Variants in ABI2 observed in about 807,000 individuals in gnomAD.
The protein encoded by ABI2 is abl interactor 2, also known as abelson interactor 2.
In ABI2, 25 loss-of-function variants were observed where a neutral mutation model predicts 59.2. The observed-to-expected ratio is 0.42, with a 90% CI of 0.31 to 0.59. ABI2 has a LOEUF of 0.59. Ranked by LOEUF, ABI2 falls within the 20% of genes least tolerant of loss-of-function variation. The probability of loss-of-function intolerance (pLI) is 0.14; values close to 1 mark genes in which losing one functional copy is unlikely to be tolerated. For missense variants in ABI2, 545 were observed against 681.8 expected (o/e 0.80, Z 2.23); for synonymous variants, 213 against 235.5 (o/e 0.90, Z 0.87).
chr2:203,328,594 A>G lies in ABI2; in HGVS notation c.80A>G (p.Glu27Gly). The G allele has an allele frequency of 1.9e-6, 3 of 1,603,980 alleles. No individual in the cohort carries two copies. Among genetic ancestry groups the G allele is most frequent in the Non-Finnish European group, 2.6e-6 (3 of 1,175,510 alleles). The change falls in exon 1 of 12, where the codon GAA becomes GGA. Residue 27 changes from glutamate to glycine, a missense_variant. Transcript: ENST00000261018. ...CTCTTCGACAGCTACACAAATCTGGAACGGGTGGCCGATTACTGCGAGAAC... is the reference window on the plus strand; with the variant it reads ...CTCTTCGACAGCTACACAAATCTGGGACGGGTGGCCGATTACTGCGAGAAC... The part of the protein sequence containing the change: ...RALFDSYTNL[E>G]RVADYCENNY...
At chr2:203,329,803 C>T (rs978951449) in intron 1 of ABI2, among the ~76,000 whole-genome samples, 1 of 151,734 alleles carries the variant, frequency 6.6e-6, no homozygotes, top group Non-Finnish European at 1.5e-5. Flanking sequence ...GTGGCGCGAT[C>T]TCGGCTCACT....
chr2:203,411,783 T>C (rs532254933), intron 10 of ABI2, among the ~76,000 whole-genome samples: 10 of 152,270 alleles, frequency 6.6e-5, no homozygotes, highest in Non-Finnish European at 1.2e-4. Flanking sequence ...ATGGTAGGGC[T>C]CAGAGGACCA....
chr2:203,353,592 G>T (rs2090210546), intron 1 of ABI2, among the ~76,000 whole-genome samples: 1 of 151,652 alleles, frequency 6.6e-6, no homozygotes, highest in Non-Finnish European at 1.5e-5. Context: ...TGATTCTCCT[G>T]CCTCAGCCTC....
chr2:203,384,381 AC>A (rs1330661667), intron 4 of ABI2, among the ~76,000 whole-genome samples: 1 of 144,330 alleles, frequency 6.9e-6, no homozygotes, highest in Non-Finnish European at 1.5e-5. Context: ...ATCATGACTC[AC>A]TGCAGCTTTG....
chr2:203,423,717 A>G (rs377011813), intron 11 of ABI2, among the ~76,000 whole-genome samples: 103 of 152,294 alleles, frequency 6.8e-4, no homozygotes, highest in Admixed American at 1.8e-3. Context: ...CACCGCGCCC[A>G]GCCCAATCTG....
intron 2 of ABI2, among the ~76,000 whole-genome samples, chr2:203,370,200 C>G (rs570917774): frequency 6.8e-6 from 1 of 147,626 alleles, no homozygotes; most frequent in Admixed American, 6.7e-5. Flanking sequence ...CTCTCTCTCT[C>G]TCTCTCTCTC....
chr2:203,362,007 G>A (rs1387779226), intron 1 of ABI2, among the ~76,000 whole-genome samples: 1 of 152,208 alleles, frequency 6.6e-6, no homozygotes, highest in Non-Finnish European at 1.5e-5. Flanking sequence ...TTTCTAATGA[G>A]TTCTGCTGTT....
rs116422644 is a variant in ABI2 at position 203,365,089 on chromosome 2, A to G, written c.118-1788A>G. Among the ~76,000 whole-genome samples the G allele has an allele frequency of 4.8e-3, 738 of 152,318 alleles. 11 individuals carry two copies. Among genetic ancestry groups the G allele is most frequent in the African/African-American group, 0.017 (709 of 41,562 alleles). On this transcript the variant is annotated intron_variant, in intron 1 of 11. Transcript: ENST00000261018. ...AAGTAATACATGCCCAAGTTAAAAAAAAATTAAGCCATACTGAAAACATTT... is the reference window on the plus strand; with the variant it reads ...AAGTAATACATGCCCAAGTTAAAAAGAAATTAAGCCATACTGAAAACATTT...
chr2:203,372,904 G>A (rs1229227780), intron 2 of ABI2, among the ~76,000 whole-genome samples: 2 of 152,022 alleles, frequency 1.3e-5, no homozygotes, highest in Admixed American at 6.5e-5. Flanking sequence ...CTCAGGCGAT[G>A]GGCGGCTGGG....
rs1559153626 is a variant in ABI2 at position 203,338,932 on chromosome 2, A to ATG, written c.117+10303_117+10304dup. Among the ~76,000 whole-genome samples, 28 of 17,736 alleles carry ATG rather than the reference A, an allele frequency of 1.6e-3. 2 individuals carry two copies. The highest frequency in any genetic ancestry group is 0.036 in the Middle Eastern group (1 of 28). The allele number at this position is 17,736 out of a possible 152,430, so 11.6% of individuals were successfully genotyped here. A position where few individuals can be genotyped will look rare whatever the true frequency, so the allele number is the denominator to read the frequency against. The stretch of plus-strand genomic sequence containing the variant: ...TCTGTGTGTGTGTGTGTGTGTGTAT[A>ATG]TGTATATATATATATATATATATAT... On this transcript the variant is annotated intron_variant, in intron 1 of 11. Coordinates refer to ENST00000261018, the MANE Select transcript of ABI2 (RefSeq NM_001375670.1).
chr2:203,395,837 G>T, intron 7 of ABI2, 57 bp downstream of exon 7: 2 of 1,488,664 alleles, frequency 1.3e-6, no homozygotes, highest in Non-Finnish European at 1.8e-6. Context: ...GATTCAATTT[G>T]TGATTTAATT....
intron 1 of ABI2, among the ~76,000 whole-genome samples, chr2:203,358,071 TTGTGTGTGTG>T (rs71007506): frequency 6.1e-4 from 78 of 128,846 alleles, no homozygotes; most frequent in Admixed American, 1.7e-3. Flanking sequence ...CCTGGCCTGT[TTGTGTGTGTG>T]TGTGTGTGTG....
chr2:203,377,060 A>G (rs538126551), intron 2 of ABI2, among the ~76,000 whole-genome samples: 2 of 152,318 alleles, frequency 1.3e-5, no homozygotes, highest in African/African-American at 2.4e-5. Flanking sequence ...GCTCATGCCT[A>G]TAATCCCAGC....
intron 1 of ABI2, among the ~76,000 whole-genome samples, chr2:203,351,992 T>G (rs748841536): frequency 6.6e-6 from 1 of 152,186 alleles, no homozygotes; most frequent in Non-Finnish European, 1.5e-5. Context: ...TGTAGCACAA[T>G]GCATTACTCT....
At chr2:203,333,463 C>T (rs998280398) in intron 1 of ABI2, among the ~76,000 whole-genome samples, 1 of 151,920 alleles carries the variant, frequency 6.6e-6, no homozygotes, top group South Asian at 2.1e-4. Flanking sequence ...TCTGTATGTT[C>T]TTGCAAATGG....
chr2:203,344,919 G>A (rs1209451707), intron 1 of ABI2, among the ~76,000 whole-genome samples: 2 of 151,792 alleles, frequency 1.3e-5, no homozygotes. Flanking sequence ...ACCAATCAGC[G>A]CTCTGTAAAA....
chr2:203,351,625 T>A, intron 1 of ABI2: 1 of 433,324 alleles, frequency 2.3e-6, no homozygotes, highest in South Asian at 1.7e-5. Context: ...AGCCTTGAAC[T>A]CCTGTGCTCA....
At chr2:203,336,525 C>T (rs574498400) in intron 1 of ABI2, among the ~76,000 whole-genome samples, 1 of 152,186 alleles carries the variant, frequency 6.6e-6, no homozygotes, top group Non-Finnish European at 1.5e-5. Flanking sequence ...AACAGTGCCT[C>T]ATCACCTCCT....
At chr2:203,392,311 CCACCAACAACAACAACAA>C (rs1484533241) in intron 5 of ABI2, among the ~76,000 whole-genome samples, 43 of 89,644 alleles carry the variant, frequency 4.8e-4, no homozygotes, top group South Asian at 1.2e-3. Context: ...ACCACCACCA[CCACCAACAACAACAACAA>C]CAACAACAAC....
Sources: allele counts gnomAD v4.1 joint callset (sites outside exome capture counted in the v4.1 genomes callset), GRCh38; gene constraint gnomAD v4.1.1; transcripts MANE v1.5; gene names NCBI Gene and HGNC (gene_info 2026-07-23, HGNC 2026-07-21).